ARID2: variants seen among roughly 807,000 people sequenced by gnomAD.
The protein encoded by ARID2 is AT-rich interaction domain 2, also known as AT-rich interactive domain-containing protein 2.
Under a neutral mutation model 184.6 loss-of-function variants are expected in ARID2, and 32 were observed. The observed-to-expected ratio is 0.17, with a 90% CI of 0.13 to 0.23. The LOEUF is 0.23. ARID2 is among the 10% of genes least tolerant of loss of function. The pLI is 1.00. For synonymous variants in ARID2, 836 were observed against 772.6 expected, an observed-to-expected ratio of 1.08 and a Z score of -1.36; for missense variants, 1,696 against 2,197.6, an observed-to-expected ratio of 0.77 and a Z score of 4.56.
intron 3 of ARID2, among the ~76,000 whole-genome samples, chr12:45,787,979 T>A (rs1287561540): frequency 6.6e-6 from 1 of 152,212 alleles, no homozygotes; most frequent in African/African-American, 2.4e-5. Context: ...TCTTTTCTAT[T>A]TAAATTGACG....
chr12:45,811,833 C>A lies in ARID2; in HGVS notation c.418+282C>A, dbSNP rs556890731. Among the ~76,000 whole-genome samples the A allele has an allele frequency of 2.6e-5, 4 of 152,244 alleles. No individual in the cohort carries two copies. In the South Asian group the frequency reaches 8.3e-4, roughly 32 times the overall value. On this transcript the variant is annotated intron_variant, in intron 4 of 20. Transcript: ENST00000334344. ...TAATGATCAGTTTATCCTAAATAGT[C>A]ACTAAAATAAGAAGAGGAAGATCCT...
intron 3 of ARID2, among the ~76,000 whole-genome samples, chr12:45,771,171 G>A (rs866746815): frequency 2.6e-5 from 4 of 151,846 alleles, no homozygotes; most frequent in South Asian, 2.1e-4. Context: ...CAGGCTGGGC[G>A]CAGTGGTGAA....
chr12:45,893,205 T>G (rs1293107083), intron 18 of ARID2, among the ~76,000 whole-genome samples: 3 of 152,190 alleles, frequency 2.0e-5, no homozygotes, highest in African/African-American at 7.2e-5. Context: ...GATTGGAAAA[T>G]AAAAGACTTG....
intron 5 of ARID2, 56 bp downstream of exon 5, chr12:45,817,944 G>T (rs2138094203): frequency 1.5e-6 from 2 of 1,338,298 alleles, no homozygotes; most frequent in Non-Finnish European, 2.0e-6. Flanking sequence ...TTTTTTTTAA[G>T]GTTTTTAAGG....
At chr12:45,878,412 C>T (rs938279093) in intron 16 of ARID2, among the ~76,000 whole-genome samples, 8 of 151,964 alleles carry the variant, frequency 5.3e-5, no homozygotes, top group Non-Finnish European at 1.2e-4. Flanking sequence ...TGTTTGTTTC[C>T]TCTATTCTTT....
rs143230566 is a variant in ARID2 at position 45,905,466 on chromosome 12, T to C, written c.*388T>C. 14 of 234,480 alleles carry C rather than the reference T, an allele frequency of 6.0e-5. No homozygotes were observed. The East Asian group carries it at 8.5e-4, about 14-fold the overall frequency. The allele number at this position is 234,480 out of a possible 1,614,324, so 14.5% of individuals were successfully genotyped here. ...TAGAAGCATTAAATATTTTTATCTA[T>C]ATCCAAAAAGGAGCACATTTTTATA... On this transcript the variant is annotated 3_prime_UTR_variant, in exon 21 of 21. Transcript: ENST00000334344.
At position 45,885,955 on chromosome 12, in the gene ARID2, C is replaced by T. The variant is rs181907704; in HGVS notation, c.4923-5825C>T. 3.9e-5 allele frequency among the ~76,000 whole-genome samples: 6 copies of T among 152,256 alleles called. 1 individual carries two copies. Among genetic ancestry groups the T allele is most frequent in the African/African-American group, 1.4e-4 (6 of 41,550 alleles). ...CACAGCCAAACCGTATCATTCTGCCCTGGCCCCTCCCAAATCTCATGTCCT... is the reference window on the plus strand; with the variant it reads ...CACAGCCAAACCGTATCATTCTGCCTTGGCCCCTCCCAAATCTCATGTCCT... On this transcript the variant is annotated intron_variant, in intron 16 of 20. Coordinates refer to ENST00000334344, the MANE Select transcript of ARID2 (RefSeq NM_152641.4).
chr12:45,855,207 A>G (rs1188060585), intron 15 of ARID2, among the ~76,000 whole-genome samples: 2 of 152,256 alleles, frequency 1.3e-5, no homozygotes, highest in African/African-American at 4.8e-5. Flanking sequence ...ATTTTAGGAC[A>G]TTAATGCTAA....
chr12:45,758,061 T>G (rs998068345), intron 3 of ARID2, among the ~76,000 whole-genome samples: 1 of 152,210 alleles, frequency 6.6e-6, no homozygotes, highest in African/African-American at 2.4e-5. Flanking sequence ...CAAAGCGATT[T>G]TTCGAGACAA....
At chr12:45,812,040 TGAAAAAAATCAAGTTG>T (rs1181383584) in intron 4 of ARID2, among the ~76,000 whole-genome samples, 3 of 152,010 alleles carry the variant, frequency 2.0e-5, no homozygotes, top group South Asian at 2.1e-4. Flanking sequence ...ATCCACAGCT[TGAAAAAAATCAAGTTG>T]GAAAAAAATC....
intron 20 of ARID2, among the ~76,000 whole-genome samples, chr12:45,900,602 C>A (rs1284698532): frequency 6.6e-6 from 1 of 152,166 alleles, no homozygotes; most frequent in Non-Finnish European, 1.5e-5. Flanking sequence ...ACCTGGTACA[C>A]ACCTCTTCTC....
intron 3 of ARID2, among the ~76,000 whole-genome samples, chr12:45,764,337 T>A (rs1221314249): frequency 6.6e-6 from 1 of 152,194 alleles, no homozygotes; most frequent in Non-Finnish European, 1.5e-5. Context: ...TGCTTGACAT[T>A]ACTTAAGTAG....
intron 3 of ARID2, among the ~76,000 whole-genome samples, chr12:45,754,410 A>G (rs1941524466): frequency 6.6e-6 from 1 of 152,240 alleles, no homozygotes; most frequent in Non-Finnish European, 1.5e-5. Context: ...TTGGTTAATG[A>G]ACAGTCAGTA....
intron 16 of ARID2, among the ~76,000 whole-genome samples, chr12:45,888,951 G>T (rs2138227727): frequency 6.6e-6 from 1 of 152,290 alleles, no homozygotes. Context: ...ACTTTGGGAG[G>T]CCAAGGCAGG....
chr12:45,816,459 CTT>C (rs1565606907), intron 4 of ARID2, among the ~76,000 whole-genome samples: 1 of 152,128 alleles, frequency 6.6e-6, no homozygotes, highest in African/African-American at 2.4e-5. Context: ...AATAGGAACT[CTT>C]TATATTGCTG....
At chr12:45,735,832 A>C (rs1019133404) in intron 3 of ARID2, among the ~76,000 whole-genome samples, 2 of 152,198 alleles carry the variant, frequency 1.3e-5, no homozygotes, top group South Asian at 4.1e-4. Context: ...AGTTCTTTCT[A>C]AGACAGATAG....
rs2138173096 is a variant in ARID2 at position 45,851,709 on chromosome 12, A to T, written c.3586A>T (p.Ile1196Phe). ...GAGTCAGGGAAATGCAACTCAGCTCATTGCTCCAGCAGGAATTACCATGAG... is the reference window on the plus strand; with the variant it reads ...GAGTCAGGGAAATGCAACTCAGCTCTTTGCTCCAGCAGGAATTACCATGAG... ...TVSQGNATQLIAPAGITMSGT... is the reference protein window; with the variant it reads ...TVSQGNATQLFAPAGITMSGT... The change falls in exon 15 of 21, where the codon ATT becomes TTT. Residue 1196 changes from isoleucine to phenylalanine, a missense_variant. Physicochemically the swap from Ile to Phe is conservative, Grantham distance 21. Transcript: ENST00000334344. 3 of 1,613,878 alleles carry T rather than the reference A, an allele frequency of 1.9e-6. No homozygotes were observed. In the South Asian group the frequency reaches 3.3e-5, roughly 18 times the overall value.
In ARID2 at chr12:45,849,725, G is replaced by T. The variant is rs201224068; in HGVS notation, c.1861G>T (p.Val621Phe). Residue 621 changes from valine (V) to phenylalanine (F), a missense_variant, in exon 14 of 21, where the codon GTT becomes TTT. Physicochemically the swap from Val to Phe is conservative, Grantham distance 50 (BLOSUM62 -1). This residue lies in a region of ARID2 where 713 missense variants were observed against 824.4 expected (regional missense o/e 0.86). Transcript: ENST00000334344. ...YYQQQPVSTSVVRVDSVPDVS... is the reference protein window; with the variant it reads ...YYQQQPVSTSFVRVDSVPDVS... ...TCAGCAGCAACCAGTTTCTACTTCT[G>T]TTGTTCGTGTTGATTCTGTTCCTGA... 6.2e-7 allele frequency: 1 copy of T among 1,613,722 alleles called. No individual in the cohort carries two copies.
chr12:45,880,516 T>C (rs868221134), intron 16 of ARID2, among the ~76,000 whole-genome samples: 1 of 152,178 alleles, frequency 6.6e-6, no homozygotes, highest in South Asian at 2.1e-4. Context: ...GCCAGAATAA[T>C]TTTTTTGTTT....
Sources: gnomAD v4.1 joint callset for allele counts (sites outside exome capture counted in the v4.1 genomes callset) on GRCh38, gnomAD v4.1.1 for gene constraint, gnomAD v4.1.1 regional missense constraint, MANE v1.5 for transcripts, NCBI Gene and HGNC (gene_info 2026-07-23, HGNC 2026-07-21) for gene names.